RASAL2: variants seen among roughly 807,000 people sequenced by gnomAD.
RASAL2 encodes ras GTPase-activating protein nGAP.
In RASAL2, 58 loss-of-function variants were observed where a neutral mutation model predicts 128.9. That is an observed-to-expected ratio of 0.45 (90% CI 0.36 to 0.56). The LOEUF (loss-of-function observed/expected upper bound fraction) is 0.56. Ranked by LOEUF, RASAL2 falls within the 20% of genes least tolerant of loss-of-function variation. RASAL2 has a pLI of 0.00. For synonymous variants in RASAL2, 561 were observed against 580.8 expected (o/e 0.97, Z 0.49); for missense variants, 1,360 against 1,601.6 (o/e 0.85, Z 2.57).
At chr1:178,323,456 T>A (rs1180989413) in intron 3 of RASAL2, among the ~76,000 whole-genome samples, 2 of 152,216 alleles carry the variant, frequency 1.3e-5, no homozygotes, top group African/African-American at 4.8e-5. Flanking sequence ...GAAAATCGTT[T>A]AGTAATGAAA....
intron 3 of RASAL2, among the ~76,000 whole-genome samples, chr1:178,334,549 G>T (rs1436353508): frequency 6.6e-6 from 1 of 152,066 alleles, no homozygotes; most frequent in East Asian, 1.9e-4. Context: ...CACCATGTTG[G>T]CCAGGCTGGT....
At chr1:178,111,784 C>T (rs1056276880) in intron 1 of RASAL2, among the ~76,000 whole-genome samples, 2 of 152,128 alleles carry the variant, frequency 1.3e-5, no homozygotes, top group Non-Finnish European at 2.9e-5. Flanking sequence ...GGTTGTAGTG[C>T]GATGGCATGA....
chr1:178,272,487 A>G (rs1197162024), intron 1 of RASAL2, among the ~76,000 whole-genome samples: 1 of 151,510 alleles, frequency 6.6e-6, no homozygotes. Context: ...GTTGGCTTTC[A>G]TTTTTATTTT....
At chr1:178,459,524 G>A (rs138822560) in intron 14 of RASAL2, among the ~76,000 whole-genome samples, 2 of 152,210 alleles carry the variant, frequency 1.3e-5, no homozygotes, top group East Asian at 3.9e-4. Context: ...ACTGGGCAGG[G>A]AGACTGCAAT....
chr1:178,175,175 T>G (rs1416924379), intron 1 of RASAL2, among the ~76,000 whole-genome samples: 1 of 152,206 alleles, frequency 6.6e-6, no homozygotes, highest in Non-Finnish European at 1.5e-5. Flanking sequence ...TTGCCATGAT[T>G]TTGACATGTG....
At chr1:178,372,039 T>TC (rs989979482) in intron 3 of RASAL2, 13 of 450,558 alleles carry the variant, frequency 2.9e-5, no homozygotes, top group African/African-American at 4.3e-5. Flanking sequence ...CCTATTTCTT[T>TC]CCCCCTCCCC....
At chr1:178,294,376 C>A (rs540479472) in intron 2 of RASAL2, among the ~76,000 whole-genome samples, 20 of 152,188 alleles carry the variant, frequency 1.3e-4, no homozygotes, top group Admixed American at 2.6e-4. Context: ...GGCTTTAAAC[C>A]TCAGGATGAC....
At chr1:178,190,583 A>G (rs1170716934) in intron 1 of RASAL2, among the ~76,000 whole-genome samples, 1 of 152,224 alleles carries the variant, frequency 6.6e-6, no homozygotes, top group African/African-American at 2.4e-5. Flanking sequence ...GAATCTATCT[A>G]GCTAGAATAA....
intron 3 of RASAL2, chr1:178,372,185 T>G (rs1389514956): frequency 4.1e-6 from 4 of 985,282 alleles, no homozygotes; most frequent in East Asian, 1.1e-4. Flanking sequence ...ATCCTTTTTT[T>G]CTCACTTCAT....
At chr1:178,256,732 G>A (rs1665364734) in intron 1 of RASAL2, among the ~76,000 whole-genome samples, 1 of 152,138 alleles carries the variant, frequency 6.6e-6, no homozygotes, top group Non-Finnish European at 1.5e-5. Context: ...GGAGTGCTGT[G>A]GCATGATCTC....
In RASAL2 at chr1:178,445,567, A is replaced by G. The variant is rs1467495455; in HGVS notation, c.1532A>G (p.His511Arg). The G allele has an allele frequency of 6.2e-7, 1 of 1,613,770 alleles. No individual in the cohort carries two copies. Among genetic ancestry groups the G allele is most frequent in the African/African-American group, 1.3e-5 (1 of 74,926 alleles). Residue 511 changes from histidine to arginine, a missense_variant, in exon 9 of 18, where the codon CAT becomes CGT. Physicochemically the swap from His to Arg is conservative, Grantham distance 29 (BLOSUM62 0). Around this residue, in one of 3 missense-constraint regions of RASAL2, gnomAD observed 617 missense variants for 714.2 expected, o/e 0.86. Coordinates refer to ENST00000367649, the MANE Select transcript of RASAL2 (RefSeq NM_170692.4). ...TCTGAGGTGGATCGTTGTGGAGAGC[A>G]TGATGTCTTGATCTTCAGAGAGAAC... ...VMSEVDRCGE[H>R]DVLIFRENTI... is the part of the protein sequence containing the mutation.
rs144820043 is a variant in RASAL2, at chr1:178,177,302, TG to T, written c.202+82609del. On this transcript the variant is annotated intron_variant, in intron 1 of 17. Coordinates refer to ENST00000367649, the MANE Select transcript of RASAL2 (RefSeq NM_170692.4). ...TTATGCTGTGATCTTGAATTGCATC[TG>T]ATGTTGATTTATATACCTTGCAGCT... 5.0e-3 allele frequency among the ~76,000 whole-genome samples: 769 copies of T among 152,322 alleles called. 14 individuals carry two copies. Among genetic ancestry groups the T allele is most frequent in the African/African-American group, 0.018 (740 of 41,572 alleles).
chr1:178,417,210 T>C (rs1457308242), intron 4 of RASAL2, among the ~76,000 whole-genome samples: 2 of 152,262 alleles, frequency 1.3e-5, no homozygotes, highest in East Asian at 3.9e-4. Context: ...TCTGCTTGCT[T>C]TTCAGTTTTG....
intron 17 of RASAL2, among the ~76,000 whole-genome samples, chr1:178,468,254 A>G (rs903248278): frequency 3.9e-5 from 6 of 152,334 alleles, no homozygotes; most frequent in Middle Eastern, 3.4e-3. Context: ...TGATCTAGCC[A>G]CTGAATGTGT....
At chr1:178,330,576 G>A (rs1299687788) in intron 3 of RASAL2, among the ~76,000 whole-genome samples, 3 of 152,134 alleles carry the variant, frequency 2.0e-5, no homozygotes, top group Non-Finnish European at 4.4e-5. Flanking sequence ...GCAGTGGGCT[G>A]TAGTCTGGGT....
chr1:178,365,429 C>CTGTTA (rs71567192), intron 3 of RASAL2, among the ~76,000 whole-genome samples: 15,254 of 141,502 alleles, frequency 0.11, 914 homozygotes, highest in African/African-American at 0.15. Flanking sequence ...CTCTAGTTGC[C>CTGTTA]TGTTATGTTA....
chr1:178,438,989 A>G (rs1215645060), intron 5 of RASAL2, among the ~76,000 whole-genome samples: 4 of 151,382 alleles, frequency 2.6e-5, no homozygotes, highest in African/African-American at 9.7e-5. Flanking sequence ...TCTGTCAATC[A>G]TATAAGAGGA....
chr1:178,230,150 G>T (rs1663942996), intron 1 of RASAL2, among the ~76,000 whole-genome samples: 1 of 151,996 alleles, frequency 6.6e-6, no homozygotes, highest in African/African-American at 2.4e-5. Flanking sequence ...TTCTTTTTAT[G>T]GCTGAGTAGT....
intron 2 of RASAL2, among the ~76,000 whole-genome samples, chr1:178,299,537 C>T (rs2102267787): frequency 6.6e-6 from 1 of 151,918 alleles, no homozygotes; most frequent in South Asian, 2.1e-4. Flanking sequence ...CTTGCTGTGT[C>T]ACCAGGCTGG....
Sources: gnomAD v4.1 joint callset for allele counts (sites outside exome capture counted in the v4.1 genomes callset) on GRCh38, gnomAD v4.1.1 for gene constraint, gnomAD v4.1.1 regional missense constraint, MANE v1.5 for transcripts, NCBI Gene and HGNC (gene_info 2026-07-23, HGNC 2026-07-21) for gene names.